Variants in BBS1 observed in about 807,000 individuals in gnomAD.
BBS1 encodes BBSome complex member BBS1.
Under a neutral mutation model 73.9 loss-of-function variants are expected in BBS1, and 60 were observed. The ratio of observed to expected loss-of-function variants is 0.81; its 90% CI spans 0.66 to 1.01. BBS1 has a LOEUF of 1.01. Ranked by LOEUF, BBS1 falls within the 50% of genes least tolerant of loss-of-function variation. The pLI is 0.00. For missense variants in BBS1, 718 were observed against 770.3 expected (o/e 0.93, Z 0.80); for synonymous variants, 283 against 317.4 (o/e 0.89, Z 1.15).
chr11:66,519,537 T>C, intron 7 of BBS1, 80 bp from the exon 8 acceptor site: 1 of 1,598,232 alleles, frequency 6.3e-7, no homozygotes, highest in Non-Finnish European at 8.6e-7. Context: ...GCCCTCTTTC[T>C]TCCCTCATGT....
intron 13 of BBS1, 86 bp from the exon 14 acceptor site, chr11:66,529,733 A>G: frequency 1.3e-6 from 2 of 1,549,682 alleles, no homozygotes; most frequent in Non-Finnish European, 8.8e-7. Context: ...CCCTCCCCAC[A>G]CCAACCTGAG....
In BBS1 at chr11:66,521,262, G is replaced by C. The variant is rs10896125; in HGVS notation, c.724-8G>C. 384,094 of 1,611,188 alleles carry C rather than the reference G, an allele frequency of 0.24. 47,428 individuals carry two copies. The highest frequency in any genetic ancestry group is 0.26 in the East Asian group (11,733 of 44,854). On this transcript the variant is annotated splice_polypyrimidine_tract_variant and splice_region_variant and intron_variant, in intron 8 of 16. Coordinates refer to ENST00000318312, the MANE Select transcript of BBS1 (RefSeq NM_024649.5). ...AGAAATTGGAGTGTTTGCGCTTCTT[G>C]TTTGCAGATGAGCCTTCCCAGCGTC...
Position 66,526,108 on chromosome 11 carries a change from G to A in BBS1, c.1111-15G>A, listed in dbSNP as rs1192886639. 6.2e-7 allele frequency: 1 copy of A among 1,613,986 alleles called. No homozygotes were observed. ...CAAGATATTTCCCCAACTAAACTCT[G>A]ACGTCTCCACATAGGATGCAGTGAC... is the stretch of plus-strand genomic sequence containing the variant. On this transcript the variant is annotated splice_polypyrimidine_tract_variant and intron_variant, in intron 11 of 16. Transcript: ENST00000318312.
At chr11:66,530,772 G>C (rs1856743390) in intron 14 of BBS1, 122 bp from the exon 15 acceptor site, 1 of 1,394,566 alleles carries the variant, frequency 7.2e-7, no homozygotes, top group East Asian at 2.3e-5. Context: ...GTGTCTGCTG[G>C]GAGGCAGATT....
intron 11 of BBS1, chr11:66,524,343 G>A: frequency 3.7e-6 from 1 of 266,824 alleles, no homozygotes; most frequent in South Asian, 3.9e-5. Flanking sequence ...AGGGGTGGGG[G>A]GTAAAATGAT....
Position 66,514,396 on chromosome 11 carries a change from C to A in BBS1, c.160-10C>A. On this transcript the variant is annotated splice_polypyrimidine_tract_variant and intron_variant, in intron 3 of 16. Transcript: ENST00000318312. ...CCCTGAGCCTAGAATGAGCCATCCT[C>A]TCCCTGCAGCTGGTGGTAGGGGACC... 1 of 1,614,014 alleles carries A rather than the reference C, an allele frequency of 6.2e-7. No homozygotes were observed. Among genetic ancestry groups the A allele is most frequent in the Non-Finnish European group, 8.5e-7 (1 of 1,180,032 alleles).
rs780822511 is a variant in BBS1, at chr11:66,523,896, C to T, written c.1110+14C>T. The T allele has an allele frequency of 1.2e-6, 2 of 1,612,142 alleles. No individual in the cohort carries two copies. The highest frequency in any genetic ancestry group is 1.1e-5 in the South Asian group (1 of 91,086). On this transcript the variant is annotated intron_variant, in intron 11 of 16. Transcript: ENST00000318312. ...ATCCACACCCCGGTGAGCCCCATCT[C>T]CGGCATCTGCCACTCACTCCTCCTT...
rs1205726731 is a variant in BBS1, at chr11:66,515,293, AAGG to A, written c.433-242_433-240del. 2.0e-5 allele frequency among the ~76,000 whole-genome samples: 3 copies of A among 152,260 alleles called. No homozygotes were observed. The East Asian group carries it at 5.8e-4, about 29-fold the overall frequency. On this transcript the variant is annotated intron_variant, in intron 4 of 16. Coordinates refer to ENST00000318312, the MANE Select transcript of BBS1 (RefSeq NM_024649.5). ...AGAAGGTAGGGGCCTGTCAGAGAAG[AAGG>A]AGGACTGGAAACACCAAGAGAGGAG...
chr11:66,510,874 G>C (rs1855925967), intron 1 of BBS1, 139 bp from the exon 2 acceptor site: 16 of 1,370,230 alleles, frequency 1.2e-5, no homozygotes, highest in Non-Finnish European at 1.7e-5. Context: ...GAGGTCGCTC[G>C]GTGAGCCAGT....
intron 13 of BBS1, chr11:66,529,256 G>A: frequency 6.6e-7 from 1 of 1,525,744 alleles, no homozygotes; most frequent in Non-Finnish European, 8.8e-7. Context: ...ACGGTGAGAT[G>A]TGAGGGGTGG....
chr11:66,526,818 G>C lies in BBS1; in HGVS notation c.1339+11G>C. On this transcript the variant is annotated intron_variant, in intron 13 of 16. Transcript: ENST00000318312. The stretch of plus-strand genomic sequence containing the variant: ...GGGAGGCTGGCACCGGTGAGCCTCA[G>C]ACTGGGTCCTTTCCCTTCTTCCTCC... 1 of 1,614,230 alleles carries C rather than the reference G, an allele frequency of 6.2e-7. No homozygotes were observed. Among genetic ancestry groups the C allele is most frequent in the Non-Finnish European group, 8.5e-7 (1 of 1,180,044 alleles).
chr11:66,532,007 G>C lies in BBS1; in HGVS notation c.1752G>C (p.Met584Ile), dbSNP rs769773058. The C allele has an allele frequency of 6.2e-7, 1 of 1,607,954 alleles. No homozygotes were observed. The highest frequency in any genetic ancestry group is 8.5e-7 in the Non-Finnish European group (1 of 1,177,886). Residue 584 changes from methionine (M) to isoleucine (I), a missense_variant, in exon 17 of 17, where the codon ATG becomes ATC. By Grantham distance (10) the Met-to-Ile change is conservative (BLOSUM62 1). Transcript: ENST00000318312. ...SAPLLSAHVN[M>I]PGSEGLAAA ...CCCTGCTGAGTGCCCACGTCAACAT[G>C]CCTGGGAGCGAGGGGCTGGCGGCCG... is the stretch of plus-strand genomic sequence containing the variant.
At position 66,529,856 on chromosome 11, in the gene BBS1, G is replaced by T; in HGVS notation, c.1377G>T (p.Leu459=). 6.2e-7 allele frequency: 1 copy of T among 1,610,770 alleles called. No individual in the cohort carries two copies. Residue 459 remains leucine, a synonymous_variant, in exon 14 of 17, where the codon CTG becomes CTT. Transcript: ENST00000318312. ...HRAFQTDLYL[L]RLRAARAYLQ... ...CCTTCCAGACAGACCTATACCTGCT[G>T]CGCCTACGTGCTGCCCGCGCCTACC...
rs112953332 is a variant in BBS1, at chr11:66,530,953, C to G, written c.1533C>G (p.Thr511=). 6 of 1,614,250 alleles carry G rather than the reference C, an allele frequency of 3.7e-6. No homozygotes were observed. The Admixed American group carries it at 1.0e-4, about 27-fold the overall frequency. The change falls in exon 15 of 17, where the codon ACC becomes ACG. Residue 511 remains threonine (T), a synonymous_variant. Transcript: ENST00000318312. ...LTLHLQNTST[T]RPVLGLLVCF... is the part of the protein sequence containing the mutation. ...TTCACCTGCAGAACACCTCAACAAC[C>G]CGTCCTGTCCTGGGGCTGCTGGTCT...
In BBS1 at chr11:66,510,708, T is replaced by C. The variant is rs1182864166; in HGVS notation, c.47+2T>C. ...TTCCGACGCCTGCGGAGCTGAGAGGTGAAGGCAGGGCTCCTCAAGGCCTCT... is the reference window on the plus strand; with the variant it reads ...TTCCGACGCCTGCGGAGCTGAGAGGCGAAGGCAGGGCTCCTCAAGGCCTCT... On this transcript the variant is annotated splice_donor_variant, in intron 1 of 16. Coordinates refer to ENST00000318312, the MANE Select transcript of BBS1 (RefSeq NM_024649.5). LOFTEE classifies it high-confidence loss of function. The C allele has an allele frequency of 6.2e-7, 1 of 1,613,958 alleles. No individual in the cohort carries two copies. The highest frequency in any genetic ancestry group is 1.7e-5 in the Admixed American group (1 of 60,012).
At chr11:66,521,556 AG>A (rs1340848028) in intron 9 of BBS1, 180 bp downstream of exon 9, 1 of 657,156 alleles carries the variant, frequency 1.5e-6, no homozygotes, top group Non-Finnish European at 2.7e-6. Flanking sequence ...CTTGTGAGAT[AG>A]GGGCTGGCAC....
intron 8 of BBS1, 43 bp from the exon 9 acceptor site, chr11:66,521,227 G>A: frequency 6.7e-7 from 1 of 1,493,938 alleles, no homozygotes; most frequent in Non-Finnish European, 9.3e-7. Flanking sequence ...GGGAGGGACG[G>A]GGGCTCCAGA....
chr11:66,511,324 A>G, intron 3 of BBS1, 85 bp downstream of exon 3: 1 of 1,512,018 alleles, frequency 6.6e-7, no homozygotes, highest in Middle Eastern at 1.9e-4. Flanking sequence ...AAATAGGCCC[A>G]GCATACTCTG....
At chr11:66,520,856 C>T in intron 8 of BBS1, 1 of 311,346 alleles carries the variant, frequency 3.2e-6, no homozygotes, top group Non-Finnish European at 6.3e-6. Flanking sequence ...ACCTCATCTT[C>T]TCATCTGTGG....
Sources: allele counts gnomAD v4.1 joint callset (sites outside exome capture counted in the v4.1 genomes callset), GRCh38; gene constraint gnomAD v4.1.1; transcripts MANE v1.5; gene names NCBI Gene and HGNC (gene_info 2026-07-23, HGNC 2026-07-21).